STAG1: variants seen among roughly 807,000 people sequenced by gnomAD.
STAG1 encodes STAG1 cohesin complex component, also known as cohesin subunit SA-1.
STAG1 carries 26 observed loss-of-function variants against 170.9 expected under a neutral mutation model. That is an observed-to-expected ratio of 0.15 (90% confidence interval 0.11 to 0.21). The LOEUF is 0.21. Among genes scored for constraint, STAG1 ranks in the 10% least tolerant of loss-of-function variants. The pLI, the probability that STAG1 is intolerant of heterozygous loss-of-function variation, is 1.00. For synonymous variants in STAG1, 514 were observed against 497.7 expected (o/e 1.03, Z -0.44); for missense variants, 964 against 1,509.5 (o/e 0.64, Z 5.99).
chr3:136,438,864 GA>G (rs2088540235), intron 15 of STAG1, among the ~76,000 whole-genome samples: 1 of 151,998 alleles, frequency 6.6e-6, no homozygotes. Flanking sequence ...CTGGATTACA[GA>G]ATGTTAGCAC....
At chr3:136,647,243 A>G (rs887151670) in intron 1 of STAG1, among the ~76,000 whole-genome samples, 1 of 152,164 alleles carries the variant, frequency 6.6e-6, no homozygotes, top group African/African-American at 2.4e-5. Flanking sequence ...ACATCCCATT[A>G]GTAAATATTG....
At chr3:136,464,532 G>C (rs2107798473) in intron 13 of STAG1, among the ~76,000 whole-genome samples, 1 of 152,278 alleles carries the variant, frequency 6.6e-6, no homozygotes, top group African/African-American at 2.4e-5. Context: ...GATTACAAAT[G>C]TTAAGAAAGT....
At chr3:136,491,395 CT>C (rs1390643284) in intron 9 of STAG1, among the ~76,000 whole-genome samples, 9 of 152,192 alleles carry the variant, frequency 5.9e-5, no homozygotes, top group African/African-American at 2.2e-4. Context: ...TTACTGTGAT[CT>C]GGGTAAACTC....
chr3:136,340,828 C>T (rs1196131712), intron 31 of STAG1, among the ~76,000 whole-genome samples: 1 of 152,160 alleles, frequency 6.6e-6, no homozygotes. Context: ...TCAATAATAA[C>T]GGTTGTTAAC....
intron 3 of STAG1, among the ~76,000 whole-genome samples, chr3:136,612,750 C>T (rs377411721): frequency 8.5e-5 from 13 of 152,326 alleles, no homozygotes; most frequent in Admixed American, 5.9e-4. Context: ...TGTTGAATAG[C>T]ATTCCATTCC....
chr3:136,370,608 G>A lies in STAG1; in HGVS notation c.2371-1326C>T, dbSNP rs185179775. On this transcript the variant is annotated intron_variant, in intron 23 of 33. Transcript: ENST00000383202. ...TCCCACCTATGAGTGAGAACACGCA[G>A]TGTTTGGTTTTTTGTCCTTGTGATA... Among the ~76,000 whole-genome samples, 545 of 152,258 alleles carry A rather than the reference G, an allele frequency of 3.6e-3. 6 individuals carry two copies. Among genetic ancestry groups the A allele is most frequent in the Non-Finnish European group, 5.3e-3 (361 of 68,032 alleles).
At chr3:136,380,503 G>A (rs1306455243) in intron 22 of STAG1, among the ~76,000 whole-genome samples, 2 of 151,988 alleles carry the variant, frequency 1.3e-5, no homozygotes, top group Non-Finnish European at 2.9e-5. Flanking sequence ...GCCTCACTAA[G>A]TGCTAGGATT....
intron 1 of STAG1, among the ~76,000 whole-genome samples, chr3:136,715,195 T>C (rs1381879948): frequency 6.9e-6 from 1 of 144,158 alleles, no homozygotes; most frequent in Non-Finnish European, 1.5e-5. Context: ...TTAATTTAAA[T>C]AGAGACAGGG....
chr3:136,437,955 C>T (rs147584479), intron 15 of STAG1, among the ~76,000 whole-genome samples: 1 of 152,150 alleles, frequency 6.6e-6, no homozygotes. Context: ...AGGGATTTTT[C>T]TTAAAATATG....
chr3:136,368,969 G>A, intron 24 of STAG1, 139 bp downstream of exon 24: 2 of 629,418 alleles, frequency 3.2e-6, no homozygotes, highest in Non-Finnish European at 4.9e-6. Flanking sequence ...AGGATTACTG[G>A]TGTCAGCCAC....
intron 15 of STAG1, among the ~76,000 whole-genome samples, chr3:136,442,289 G>C (rs1459975412): frequency 6.6e-6 from 1 of 152,182 alleles, no homozygotes; most frequent in African/African-American, 2.4e-5. Context: ...ACCTTCTAAA[G>C]CTGTTGTATG....
chr3:136,508,112 C>G (rs372000938), intron 7 of STAG1, among the ~76,000 whole-genome samples: 1 of 152,044 alleles, frequency 6.6e-6, no homozygotes, highest in Admixed American at 6.6e-5. Context: ...GAAACTGGGG[C>G]TAGAGGAACG....
rs539231925 is a variant in STAG1 at position 136,472,593 on chromosome 3, T to C, written c.1126-101A>G. 31 of 719,640 alleles carry C rather than the reference T, an allele frequency of 4.3e-5. No individual in the cohort carries two copies. The African/African-American group carries it at 5.3e-4, about 12-fold the overall frequency. 44.6% of individuals were successfully genotyped at this position (719,640 alleles called of 1,614,324 possible). A position where few individuals can be genotyped will look rare whatever the true frequency, so the allele number is the denominator to read the frequency against. On this transcript the variant is annotated intron_variant, in intron 11 of 33. Transcript: ENST00000383202. ...TGGGATATATATGCAATACTAATGA[T>C]AGGTTAAATAAAAAGCTTTACTCTT...
chr3:136,566,687 G>A (rs371657400), intron 5 of STAG1, among the ~76,000 whole-genome samples: 55 of 152,248 alleles, frequency 3.6e-4, no homozygotes, highest in Middle Eastern at 3.4e-3. Flanking sequence ...GAGTATAGAA[G>A]AGTACAATTC....
chr3:136,707,707 G>C (rs1013019534), intron 1 of STAG1, among the ~76,000 whole-genome samples: 3 of 152,198 alleles, frequency 2.0e-5, no homozygotes, highest in African/African-American at 4.8e-5. Flanking sequence ...GCAAAGAGGG[G>C]AAAGTGTGAG....
rs1200425845 is a variant in STAG1, at chr3:136,338,539, T to G, written c.3673-89A>C. On this transcript the variant is annotated intron_variant, in intron 32 of 33. Transcript: ENST00000383202. ...TCAGCTAATATTTCTGACAGTATCATAAATATATGGAACTGCTAAGAGTCA... is the reference window on the plus strand; with the variant it reads ...TCAGCTAATATTTCTGACAGTATCAGAAATATATGGAACTGCTAAGAGTCA... 5.4e-6 allele frequency: 5 copies of G among 931,052 alleles called. No individual in the cohort carries two copies. In the East Asian group the frequency reaches 1.0e-4, roughly 19 times the overall value. The allele number at this position is 931,052 out of a possible 1,614,324, so 57.7% of individuals were successfully genotyped here.
chr3:136,611,924 C>T (rs909540714), intron 3 of STAG1, among the ~76,000 whole-genome samples: 5 of 151,764 alleles, frequency 3.3e-5, no homozygotes, highest in South Asian at 2.1e-4. Flanking sequence ...CTCGGCTCAC[C>T]GCAAGCTCCG....
intron 4 of STAG1, among the ~76,000 whole-genome samples, chr3:136,575,910 T>C (rs1013328695): frequency 3.9e-5 from 6 of 152,210 alleles, no homozygotes; most frequent in Non-Finnish European, 7.3e-5. Context: ...AGCGGCCTCC[T>C]TGAACGTTCT....
intron 1 of STAG1, among the ~76,000 whole-genome samples, chr3:136,655,330 T>C (rs1006938567): frequency 2.6e-5 from 4 of 152,206 alleles, no homozygotes; most frequent in African/African-American, 4.8e-5. Flanking sequence ...AGAGATTGAA[T>C]AGACATTCTC....
Sources: gnomAD v4.1 joint callset for allele counts (sites outside exome capture counted in the v4.1 genomes callset) on GRCh38, gnomAD v4.1.1 for gene constraint, MANE v1.5 for transcripts, NCBI Gene and HGNC (gene_info 2026-07-23, HGNC 2026-07-21) for gene names.